SOX5: variants seen among roughly 807,000 people sequenced by gnomAD.
SOX5 encodes transcription factor SOX-5.
In SOX5, 9 loss-of-function variants were observed where a neutral mutation model predicts 92.0. That is an observed-to-expected ratio of 0.10 (90% CI 0.06 to 0.17). The LOEUF is 0.17. Among genes scored for constraint, SOX5 ranks in the 10% least tolerant of loss-of-function variants. The pLI is 1.00. For missense variants in SOX5, 642 were observed against 944.5 expected (o/e 0.68, Z 4.20); for synonymous variants, 344 against 336.3 (o/e 1.02, Z -0.25).
chr12:24,543,240 G>T (rs761346945), intron 1 of SOX5, among the ~76,000 whole-genome samples: 3 of 152,160 alleles, frequency 2.0e-5, no homozygotes, highest in Admixed American at 1.3e-4. Flanking sequence ...AGCTCCGTAA[G>T]GGTAAGGACC....
chr12:24,403,264 C>G (rs930293544), intron 1 of SOX5, among the ~76,000 whole-genome samples: 2 of 152,168 alleles, frequency 1.3e-5, no homozygotes, highest in Non-Finnish European at 2.9e-5. Flanking sequence ...TGATAGCAAC[C>G]TCTTTGGCCA....
At chr12:23,717,372 T>C (rs1009362401) in intron 6 of SOX5, among the ~76,000 whole-genome samples, 3 of 152,230 alleles carry the variant, frequency 2.0e-5, no homozygotes, top group East Asian at 1.9e-4. Flanking sequence ...AAATATAGTC[T>C]GTATTTCACA....
intron 3 of SOX5, among the ~76,000 whole-genome samples, chr12:24,225,797 T>C (rs1386509561): frequency 6.6e-6 from 1 of 152,180 alleles, no homozygotes; most frequent in Admixed American, 6.5e-5. Context: ...TCCCAGAATA[T>C]ATAAGAAATC....
chr12:24,364,831 A>G lies in SOX5; in HGVS notation c.-174+3732T>C, dbSNP rs187451074. Among the ~76,000 whole-genome samples the G allele has an allele frequency of 1.5e-3, 231 of 152,214 alleles. 1 individual carries two copies. Among genetic ancestry groups the G allele is most frequent in the Middle Eastern group, 6.8e-3 (2 of 294 alleles). ...ACAAAATCTATACAAACACAGAATG[A>G]TCAGAAATCCATGAACGTCTCAGTC... On this transcript the variant is annotated intron_variant, in intron 2 of 4. Transcript: ENST00000446891.
chr12:24,259,677 T>A (rs1299414767), intron 3 of SOX5, among the ~76,000 whole-genome samples: 1 of 152,226 alleles, frequency 6.6e-6, no homozygotes, highest in Non-Finnish European at 1.5e-5. Context: ...TTTCTAAGTA[T>A]TATAGGTGTC....
chr12:23,691,542 T>C (rs1593323673), intron 6 of SOX5, among the ~76,000 whole-genome samples: 1 of 152,300 alleles, frequency 6.6e-6, no homozygotes, highest in Non-Finnish European at 1.5e-5. Context: ...AACCACTAAG[T>C]CAATTTATTT....
intron 2 of SOX5, among the ~76,000 whole-genome samples, chr12:24,327,796 A>G (rs1205504793): frequency 1.3e-5 from 2 of 151,514 alleles, no homozygotes; most frequent in East Asian, 3.9e-4. Context: ...GTTTCACCAT[A>G]TTAACCAGGA....
chr12:24,329,042 T>C (rs895721432), intron 2 of SOX5, among the ~76,000 whole-genome samples: 1 of 152,204 alleles, frequency 6.6e-6, no homozygotes, highest in African/African-American at 2.4e-5. Context: ...CTAATCTCTT[T>C]TAAAGAAAGA....
intron 7 of SOX5, among the ~76,000 whole-genome samples, chr12:23,651,930 C>A (rs911228381): frequency 4.0e-5 from 6 of 151,516 alleles, no homozygotes; most frequent in Non-Finnish European, 8.8e-5. Flanking sequence ...TCGATGACCT[C>A]AAATACCAAC....
intron 1 of SOX5, among the ~76,000 whole-genome samples, chr12:24,370,606 A>G (rs747782885): frequency 6.6e-6 from 1 of 152,106 alleles, no homozygotes; most frequent in Non-Finnish European, 1.5e-5. Context: ...AGCCTGGCCA[A>G]TATGGCGAAA....
intron 2 of SOX5, among the ~76,000 whole-genome samples, chr12:24,367,651 CAT>C (rs1483054639): frequency 7.2e-5 from 11 of 152,078 alleles, no homozygotes; most frequent in Non-Finnish European, 5.9e-5. Context: ...AAATTAAAAT[CAT>C]ATTGCCAAGA....
chr12:24,175,487 GA>G (rs1954706117), intron 4 of SOX5, among the ~76,000 whole-genome samples: 3 of 152,138 alleles, frequency 2.0e-5, no homozygotes, highest in Admixed American at 1.3e-4. Flanking sequence ...TGCACGCTGG[GA>G]GCAAAGATCT....
chr12:24,235,874 C>A (rs569202424), intron 3 of SOX5, among the ~76,000 whole-genome samples: 1 of 152,078 alleles, frequency 6.6e-6, no homozygotes, highest in Non-Finnish European at 1.5e-5. Context: ...GACAACTTTG[C>A]ATGATCCATT....
chr12:24,146,387 G>T (rs536822476), intron 4 of SOX5, among the ~76,000 whole-genome samples: 175 of 152,056 alleles, frequency 1.2e-3, no homozygotes, highest in African/African-American at 4.1e-3. Flanking sequence ...AATACCCCAA[G>T]GGTCAAAGAC....
At chr12:23,848,477 T>A (rs957894478) in intron 2 of SOX5, among the ~76,000 whole-genome samples, 2 of 152,222 alleles carry the variant, frequency 1.3e-5, no homozygotes, top group Admixed American at 1.3e-4. Flanking sequence ...TTCACCTGCC[T>A]GATTACATTT....
At chr12:23,935,616 C>G (rs1047133174) in intron 1 of SOX5, among the ~76,000 whole-genome samples, 6 of 150,986 alleles carry the variant, frequency 4.0e-5, no homozygotes, top group Non-Finnish European at 8.9e-5. Context: ...ACCAAGAAAC[C>G]CTTTACGTAA....
Position 24,550,218 on chromosome 12 carries a change from T to G in SOX5, c.-251+12111A>C, listed in dbSNP as rs115712791. Among the ~76,000 whole-genome samples, 949 of 152,210 alleles carry G rather than the reference T, an allele frequency of 6.2e-3. 9 individuals carry two copies. Among genetic ancestry groups the G allele is most frequent in the African/African-American group, 0.021 (863 of 41,528 alleles). ...CAATGTCTAGCAACAATAACATCAA[T>G]CAACATCAGTGTCAACTGTGCTTTC... On this transcript the variant is annotated intron_variant, in intron 1 of 4. Coordinates refer to the SOX5 transcript ENST00000446891.
At chr12:24,470,232 A>G (rs1047463689) in intron 1 of SOX5, among the ~76,000 whole-genome samples, 1 of 152,164 alleles carries the variant, frequency 6.6e-6, no homozygotes, top group Non-Finnish European at 1.5e-5. Context: ...AATTACCCAC[A>G]TCTATATTAT....
chr12:23,821,108 G>A (rs1362972991), intron 3 of SOX5, among the ~76,000 whole-genome samples: 5 of 152,088 alleles, frequency 3.3e-5, no homozygotes, highest in African/African-American at 1.2e-4. Flanking sequence ...CTTGAGCAGT[G>A]GTTTGTAGTT....
Sources: gnomAD v4.1 joint callset for allele counts (sites outside exome capture counted in the v4.1 genomes callset) on GRCh38, gnomAD v4.1.1 for gene constraint, MANE v1.5 for transcripts, NCBI Gene and HGNC (gene_info 2026-07-23, HGNC 2026-07-21) for gene names.